The following ABTB3 variants were observed in gnomAD, a reference collection of about 807,000 sequenced individuals.
ABTB3 encodes the protein ankyrin repeat and BTB domain containing 3.
the ABTB3 span, among the ~76,000 whole-genome samples, chr12:107,415,549 A>T: frequency 6.6e-6 from 1 of 151,878 alleles, no homozygotes; most frequent in East Asian, 1.9e-4. Context: ...TCTACTAAAA[A>T]ACCAAAAAAT....
chr12:107,391,560 C>T, the ABTB3 span, among the ~76,000 whole-genome samples: 4 of 152,204 alleles, frequency 2.6e-5, no homozygotes, highest in Non-Finnish European at 5.9e-5. Flanking sequence ...CAGGTGGAGA[C>T]CTCAAGACTT....
At chr12:107,473,129 G>T in the ABTB3 span, among the ~76,000 whole-genome samples, 2 of 152,130 alleles carry the variant, frequency 1.3e-5, no homozygotes, top group African/African-American at 2.4e-5. Context: ...TTTCATTCGT[G>T]AACTTCTCTG....
chr12:107,538,926 C>A, the ABTB3 span, among the ~76,000 whole-genome samples: 1 of 152,172 alleles, frequency 6.6e-6, no homozygotes. Context: ...GGGCCACACT[C>A]AAAACTGGGT....
the ABTB3 span, among the ~76,000 whole-genome samples, chr12:107,607,374 G>A: frequency 6.6e-6 from 1 of 152,192 alleles, no homozygotes. Context: ...ATAGACTGAA[G>A]TCAGGCTCCG....
At chr12:107,639,376 G>C in the ABTB3 span, among the ~76,000 whole-genome samples, 1 of 152,170 alleles carries the variant, frequency 6.6e-6, no homozygotes, top group East Asian at 1.9e-4. Context: ...GCTAGCTTTA[G>C]GAAGGATGGC....
the ABTB3 span, among the ~76,000 whole-genome samples, chr12:107,517,271 C>A: frequency 6.6e-6 from 1 of 152,176 alleles, no homozygotes; most frequent in Admixed American, 6.5e-5. Flanking sequence ...GTTACTGTAG[C>A]CTTGTAGTAT....
the ABTB3 span, chr12:107,581,436 C>T: frequency 1.4e-6 from 1 of 709,496 alleles, no homozygotes; most frequent in Non-Finnish European, 2.0e-6. Flanking sequence ...TGGAGGCTCC[C>T]TGGTTGAAGT....
At chr12:107,319,303 C>T in the ABTB3 span, 2 of 1,543,660 alleles carry the variant, frequency 1.3e-6, no homozygotes, top group Non-Finnish European at 1.7e-6. Context: ...CGGCGGTCCC[C>T]GGCGGCCTGC....
the ABTB3 span, among the ~76,000 whole-genome samples, chr12:107,595,548 G>A: frequency 3.9e-5 from 6 of 152,300 alleles, no homozygotes; most frequent in South Asian, 2.1e-4. Flanking sequence ...GGCACCCTAC[G>A]CAGTACCTGG....
At chr12:107,375,711 G>A in the ABTB3 span, among the ~76,000 whole-genome samples, 1 of 152,148 alleles carries the variant, frequency 6.6e-6, no homozygotes. Flanking sequence ...GGTCTCTGAG[G>A]TTCCTTACTA....
the ABTB3 span, among the ~76,000 whole-genome samples, chr12:107,350,963 A>C: frequency 6.6e-6 from 1 of 152,248 alleles, no homozygotes; most frequent in South Asian, 2.1e-4. Context: ...GTGAGGTTTG[A>C]GTTTTCCATT....
chr12:107,586,579 TCC>T, the ABTB3 span, among the ~76,000 whole-genome samples: 1 of 152,198 alleles, frequency 6.6e-6, no homozygotes, highest in African/African-American at 2.4e-5. Context: ...AGCCGCTGCC[TCC>T]CCCGAACTGA....
chr12:107,561,836 T>C, the ABTB3 span, among the ~76,000 whole-genome samples: 1 of 152,172 alleles, frequency 6.6e-6, no homozygotes, highest in African/African-American at 2.4e-5. Flanking sequence ...CCCTACATTT[T>C]TTCACCTGAT....
chr12:107,565,596 G>A, the ABTB3 span, among the ~76,000 whole-genome samples: 1 of 152,020 alleles, frequency 6.6e-6, no homozygotes, highest in African/African-American at 2.4e-5. Context: ...CCACTTTCCA[G>A]CCTGCACCCC....
chr12:107,607,469 C>CT, the ABTB3 span, among the ~76,000 whole-genome samples: 2 of 152,200 alleles, frequency 1.3e-5, no homozygotes, highest in African/African-American at 4.8e-5. Flanking sequence ...GTGTTCTTGA[C>CT]TTTCCCACCT....
At chr12:107,481,289 A>G in the ABTB3 span, among the ~76,000 whole-genome samples, 1 of 152,164 alleles carries the variant, frequency 6.6e-6, no homozygotes, top group Non-Finnish European at 1.5e-5. Context: ...CCTGTGGAGT[A>G]ACAGGCCTAT....
chr12:107,485,606 A>T, the ABTB3 span, among the ~76,000 whole-genome samples: 1 of 152,144 alleles, frequency 6.6e-6, no homozygotes, highest in Admixed American at 6.5e-5. Flanking sequence ...GAATAACCCC[A>T]ACCTTGTAAA....
At chr12:107,488,954 C>T in the ABTB3 span, among the ~76,000 whole-genome samples, 542 of 152,140 alleles carry the variant, frequency 3.6e-3, 5 homozygotes, top group African/African-American at 0.012. Flanking sequence ...ACCATCAGCA[C>T]TGGCAATTGA....
At chr12:107,367,473 C>G in the ABTB3 span, among the ~76,000 whole-genome samples, 1 of 151,944 alleles carries the variant, frequency 6.6e-6, no homozygotes, top group Non-Finnish European at 1.5e-5. Context: ...GGCTCTCTCT[C>G]TCATTTTATT....
Sources: gnomAD v4.1 joint callset for allele counts (sites outside exome capture counted in the v4.1 genomes callset) on GRCh38, gnomAD v4.1.1 for gene constraint, MANE v1.5 for transcripts, NCBI Gene and HGNC (gene_info 2026-07-23, HGNC 2026-07-21) for gene names.